Variants in EPHB2 observed in about 807,000 individuals in gnomAD.
The protein encoded by EPHB2 is ephrin type-B receptor 2.
Under a neutral mutation model 96.4 loss-of-function variants are expected in EPHB2, and 18 were observed. The ratio of observed to expected loss-of-function variants is 0.19; its 90% CI spans 0.13 to 0.28. The LOEUF (loss-of-function observed/expected upper bound fraction) is 0.28. Among genes scored for constraint, EPHB2 ranks in the 10% least tolerant of loss-of-function variants. The pLI, the probability that EPHB2 is intolerant of heterozygous loss-of-function variation, is 1.00. For missense variants in EPHB2, 989 were observed against 1,355.4 expected (o/e 0.73, Z 4.25); for synonymous variants, 506 against 534.1 (o/e 0.95, Z 0.72).
chr1:22,909,764 T>G lies in EPHB2; in HGVS notation c.2502+593T>G, dbSNP rs114834090. 6.3e-3 allele frequency among the ~76,000 whole-genome samples: 963 copies of G among 152,244 alleles called. 16 individuals carry two copies. The highest frequency in any genetic ancestry group is 0.021 in the African/African-American group (892 of 41,544). On this transcript the variant is annotated intron_variant, in intron 13 of 15. Coordinates refer to ENST00000374630, the MANE Select transcript of EPHB2 (RefSeq NM_017449.5). ...TAGCAAAAATGAAGACAGGAAGGAC[T>G]CGAAGAAACTTCTTACACAGGGAGG...
chr1:22,858,123 A>G lies in EPHB2; in HGVS notation c.812-4914A>G, dbSNP rs1190896038. 6.6e-6 allele frequency among the ~76,000 whole-genome samples: 1 copy of G among 152,152 alleles called. No individual in the cohort carries two copies. Among genetic ancestry groups the G allele is most frequent in the East Asian group, 1.9e-4 (1 of 5,192 alleles). ...TCTGAAGGAGGAAAAGGAGCCAGCG[A>G]CGGGAAGAGCAGGGAAAGCCTTCCG... is the stretch of plus-strand genomic sequence containing the variant. On this transcript the variant is annotated intron_variant, in intron 3 of 15. Transcript: ENST00000374630. This position sits in a 1 kb window ranked among gnomAD's most constrained non-coding sequence, Gnocchi z 7.7.
chr1:22,742,229 C>T (rs1242930572), intron 1 of EPHB2, among the ~76,000 whole-genome samples: 3 of 152,146 alleles, frequency 2.0e-5, no homozygotes, highest in African/African-American at 7.2e-5. Flanking sequence ...GGGTCCCTGA[C>T]ATGAGGACCG....
intron 1 of EPHB2, among the ~76,000 whole-genome samples, chr1:22,714,801 C>A (rs1170529334): frequency 6.6e-6 from 1 of 152,246 alleles, no homozygotes; most frequent in African/African-American, 2.4e-5. Flanking sequence ...AGAGACCCAT[C>A]TGGCTCATCT....
chr1:22,739,042 T>C (rs578045700), intron 1 of EPHB2, among the ~76,000 whole-genome samples: 34 of 152,264 alleles, frequency 2.2e-4, no homozygotes, highest in African/African-American at 7.2e-4. Flanking sequence ...AAAATTATGT[T>C]GTGTACTTTT....
intron 1 of EPHB2, among the ~76,000 whole-genome samples, chr1:22,756,734 G>C (rs567778044): frequency 1.3e-5 from 2 of 152,308 alleles, no homozygotes; most frequent in Admixed American, 6.5e-5. Flanking sequence ...GGCGGCACCT[G>C]CTGCCTCAGT....
intron 6 of EPHB2, among the ~76,000 whole-genome samples, chr1:22,887,185 G>A (rs1639253828): frequency 6.6e-6 from 1 of 152,090 alleles, no homozygotes; most frequent in African/African-American, 2.4e-5. Flanking sequence ...AAATATTAGA[G>A]GAGGTGCTGG....
At position 22,862,311 on chromosome 1, in the gene EPHB2, G is replaced by C. The variant is rs112263525; in HGVS notation, c.812-726G>C. 4.1e-3 allele frequency among the ~76,000 whole-genome samples: 624 copies of C among 152,334 alleles called. 2 individuals are homozygous for C. The highest frequency in any genetic ancestry group is 0.024 in the Middle Eastern group (7 of 292). On this transcript the variant is annotated intron_variant, in intron 3 of 15. Coordinates refer to ENST00000374630, the MANE Select transcript of EPHB2 (RefSeq NM_017449.5). ...AGGCTGGCCCTGGTACTGCAGGCCCGCCTTTTATTAATATTTTAATAAATT... is the reference window on the plus strand; with the variant it reads ...AGGCTGGCCCTGGTACTGCAGGCCCCCCTTTTATTAATATTTTAATAAATT...
chr1:22,723,360 C>T (rs886248226), intron 1 of EPHB2, among the ~76,000 whole-genome samples: 1 of 152,258 alleles, frequency 6.6e-6, no homozygotes, highest in Non-Finnish European at 1.5e-5. Context: ...CTGGCCGGTA[C>T]ATCCTCTTGC....
At chr1:22,880,576 C>T (rs1433113434) in intron 5 of EPHB2, among the ~76,000 whole-genome samples, 1 of 152,258 alleles carries the variant, frequency 6.6e-6, no homozygotes, top group Non-Finnish European at 1.5e-5. Context: ...GTGGGGACCA[C>T]ATTGAGAGTC....
intron 1 of EPHB2, chr1:22,774,639 G>T (rs1644422325): frequency 2.0e-6 from 2 of 985,140 alleles, no homozygotes; most frequent in African/African-American, 3.5e-5. Context: ...GTGGCTGGAA[G>T]GTAATTAGCT....
Position 22,908,008 on chromosome 1 carries a change from C to T in EPHB2, c.2192C>T (p.Ala731Val), listed in dbSNP as rs1639972174. 1 of 1,614,272 alleles carries T rather than the reference C, an allele frequency of 6.2e-7. No homozygotes were observed. Among genetic ancestry groups the T allele is most frequent in the Non-Finnish European group, 8.5e-7 (1 of 1,180,050 alleles). ...IQLVGMLRGI[A>V]AGMKYLADMN... is the part of the protein sequence containing the mutation. ...CTGGTGGGCATGCTTCGGGGCATCGCAGCTGGCATGAAGTACCTGGCAGAC... is the reference window on the plus strand; with the variant it reads ...CTGGTGGGCATGCTTCGGGGCATCGTAGCTGGCATGAAGTACCTGGCAGAC... The change falls in exon 12 of 16, where the codon GCA (alanine) becomes GTA (valine). Residue 731 changes from alanine to valine, a missense_variant. Ala to Val is a moderately conservative substitution (Grantham distance 64). Coordinates refer to ENST00000374630, the MANE Select transcript of EPHB2 (RefSeq NM_017449.5).
intron 1 of EPHB2, among the ~76,000 whole-genome samples, chr1:22,711,848 C>T (rs1034484284): frequency 2.0e-5 from 3 of 152,206 alleles, no homozygotes; most frequent in African/African-American, 7.2e-5. Context: ...CTCCCCGTGG[C>T]CTCGTGTATT....
In EPHB2 at chr1:22,892,994, G is replaced by A; in HGVS notation, c.1539G>A (p.Val513=). The change falls in exon 7 of 16, where the codon GTG becomes GTA. Residue 513 remains valine (V), a synonymous_variant. Transcript: ENST00000374630. ...IYVFQVRART[V]AGYGRYSGKM... is the part of the protein sequence containing the mutation. ...TCTTCCAGGTGCGGGCACGCACCGTGGCAGGTTACGGGCGCTACAGCGGCA... is the reference window on the plus strand; with the variant it reads ...TCTTCCAGGTGCGGGCACGCACCGTAGCAGGTTACGGGCGCTACAGCGGCA... The A allele has an allele frequency of 1.9e-6, 3 of 1,614,208 alleles. No individual in the cohort carries two copies. Among genetic ancestry groups the A allele is most frequent in the Non-Finnish European group, 2.5e-6 (3 of 1,180,026 alleles).
At chr1:22,859,294 T>TG (rs1491408362) in intron 3 of EPHB2, among the ~76,000 whole-genome samples, 527 of 11,030 alleles carry the variant, frequency 0.048, 9 homozygotes, top group Admixed American at 0.14. Flanking sequence ...GGGGTGGGCC[T>TG]GGTGGGGGGG....
chr1:22,792,892 C>T (rs1043791224), intron 3 of EPHB2, among the ~76,000 whole-genome samples: 3 of 152,126 alleles, frequency 2.0e-5, no homozygotes, highest in Non-Finnish European at 4.4e-5. Flanking sequence ...TGGAAGCTGA[C>T]GGAGGCACCC....
At chr1:22,896,691 T>C (rs1369271691) in intron 9 of EPHB2, among the ~76,000 whole-genome samples, 1 of 152,194 alleles carries the variant, frequency 6.6e-6, no homozygotes, top group Non-Finnish European at 1.5e-5. Context: ...TTTACCCATG[T>C]AGCTCTTACT....
intron 5 of EPHB2, among the ~76,000 whole-genome samples, chr1:22,873,903 G>A (rs1638753446): frequency 6.6e-6 from 1 of 152,148 alleles, no homozygotes; most frequent in African/African-American, 2.4e-5. Flanking sequence ...CTTCTATTTG[G>A]GCACAATGTA....
At chr1:22,800,892 GA>G (rs1644833941) in intron 3 of EPHB2, among the ~76,000 whole-genome samples, 1 of 152,160 alleles carries the variant, frequency 6.6e-6, no homozygotes, top group African/African-American at 2.4e-5. Flanking sequence ...CCTCTTTCAT[GA>G]AGCAAAATCA....
chr1:22,732,298 C>G (rs981003665), intron 1 of EPHB2, among the ~76,000 whole-genome samples: 1 of 147,350 alleles, frequency 6.8e-6, no homozygotes, highest in Admixed American at 6.8e-5. Context: ...GAGCCAAGAG[C>G]TGCGGGGGCC....
Sources: allele counts gnomAD v4.1 joint callset (sites outside exome capture counted in the v4.1 genomes callset), GRCh38; gene constraint gnomAD v4.1.1; non-coding constraint Gnocchi (gnomAD v3.1); transcripts MANE v1.5; gene names NCBI Gene and HGNC (gene_info 2026-07-23, HGNC 2026-07-21).